LINGO2: variants seen among roughly 807,000 people sequenced by gnomAD.
The protein encoded by LINGO2 is leucine-rich repeat and immunoglobulin-like domain-containing nogo receptor-interacting protein 2.
Under a neutral mutation model 30.6 loss-of-function variants are expected in LINGO2, and 14 were observed. That is an observed-to-expected ratio of 0.46 (90% confidence interval 0.30 to 0.72). LINGO2 has a LOEUF of 0.72. Among genes scored for constraint, LINGO2 ranks in the 30% least tolerant of loss-of-function variants. LINGO2 has a pLI of 0.07. For synonymous variants in LINGO2, 317 were observed against 288.5 expected (o/e 1.10, Z -1.00); for missense variants, 729 against 751.7 (o/e 0.97, Z 0.35).
chr9:29,013,208 A>G, the LINGO2 span, among the ~76,000 whole-genome samples: 1 of 152,180 alleles, frequency 6.6e-6, no homozygotes, highest in Admixed American at 6.6e-5. Flanking sequence ...AGTAAAAAAC[A>G]GGCACTCTGA....
the LINGO2 span, among the ~76,000 whole-genome samples, chr9:28,997,916 T>G: frequency 1.3e-5 from 2 of 152,218 alleles, no homozygotes; most frequent in African/African-American, 2.4e-5. Flanking sequence ...TGCACCATTG[T>G]GTGCTTCACA....
intron 4 of LINGO2, among the ~76,000 whole-genome samples, chr9:28,167,016 C>G (rs1388500862): frequency 6.6e-6 from 1 of 152,020 alleles, no homozygotes. Context: ...TTTAAGCATA[C>G]TAGTTCCTAG....
chr9:28,388,959 A>C (rs1331893), intron 2 of LINGO2, among the ~76,000 whole-genome samples: 122,082 of 151,858 alleles, frequency 0.8, 49,733 homozygotes, highest in Middle Eastern at 0.9. Flanking sequence ...GCAAACCATA[A>C]ATGAGAACCT....
intron 1 of LINGO2, among the ~76,000 whole-genome samples, chr9:28,491,541 T>C (rs150489141): frequency 8.8e-4 from 134 of 152,360 alleles, no homozygotes; most frequent in African/African-American, 3.0e-3. Flanking sequence ...TCGGAGTAAG[T>C]ATTCTTTTTA....
At chr9:28,663,461 G>A (rs1018843701) in intron 1 of LINGO2, among the ~76,000 whole-genome samples, 10 of 152,054 alleles carry the variant, frequency 6.6e-5, no homozygotes, top group Admixed American at 1.3e-4. Context: ...GTGAGCCACC[G>A]CATCCGGCCT....
chr9:29,062,343 C>T, the LINGO2 span, among the ~76,000 whole-genome samples: 1 of 151,942 alleles, frequency 6.6e-6, no homozygotes, highest in Admixed American at 6.6e-5. Flanking sequence ...TGGGTATATA[C>T]CTGAAAGAAT....
intron 1 of LINGO2, among the ~76,000 whole-genome samples, chr9:28,595,762 A>G (rs1379508360): frequency 6.6e-6 from 1 of 152,148 alleles, no homozygotes. Context: ...CTAGGAAAGT[A>G]GGATCACAGC....
intron 1 of LINGO2, among the ~76,000 whole-genome samples, chr9:28,486,814 A>G (rs1418788903): frequency 3.3e-5 from 5 of 152,134 alleles, no homozygotes; most frequent in African/African-American, 1.2e-4. Flanking sequence ...TAAAATAGTG[A>G]TATAAACTCA....
the LINGO2 span, among the ~76,000 whole-genome samples, chr9:29,188,341 T>TCA: frequency 1.3e-5 from 2 of 151,894 alleles, no homozygotes; most frequent in Non-Finnish European, 1.5e-5. Flanking sequence ...GGGGGTAAGG[T>TCA]CACAGATCAA....
chr9:28,300,182 C>A (rs1394773368), intron 3 of LINGO2, among the ~76,000 whole-genome samples: 3 of 148,482 alleles, frequency 2.0e-5, no homozygotes, highest in Non-Finnish European at 3.0e-5. Flanking sequence ...TAGACTATGA[C>A]AAAACCCCTG....
the LINGO2 span, among the ~76,000 whole-genome samples, chr9:28,694,531 T>C: frequency 2.4e-3 from 371 of 152,182 alleles, 2 homozygotes; most frequent in Middle Eastern, 0.014. Flanking sequence ...AATGCTTACT[T>C]ACAACCTCAA....
the LINGO2 span, among the ~76,000 whole-genome samples, chr9:29,201,714 T>C: frequency 6.6e-6 from 1 of 152,166 alleles, no homozygotes; most frequent in Non-Finnish European, 1.5e-5. Flanking sequence ...ATTTTATTAG[T>C]GGCTTTTAAT....
chr9:28,971,628 A>T, the LINGO2 span, among the ~76,000 whole-genome samples: 1 of 152,230 alleles, frequency 6.6e-6, no homozygotes, highest in African/African-American at 2.4e-5. Context: ...GCTGCAATTT[A>T]CAATAGAACA....
At chr9:28,988,436 G>C in the LINGO2 span, among the ~76,000 whole-genome samples, 1 of 152,058 alleles carries the variant, frequency 6.6e-6, no homozygotes, top group Non-Finnish European at 1.5e-5. Context: ...AGTAAGGTGA[G>C]ACTGTATTAG....
At chr9:28,399,360 T>C (rs1456378510) in intron 2 of LINGO2, among the ~76,000 whole-genome samples, 3 of 152,300 alleles carry the variant, frequency 2.0e-5, no homozygotes, top group Non-Finnish European at 4.4e-5. Context: ...GTCATAACAT[T>C]CGTTATGAAA....
upstream of LINGO2, among the ~76,000 whole-genome samples, chr9:28,671,962 A>C (rs924110606): frequency 4.6e-5 from 7 of 152,280 alleles, no homozygotes; most frequent in African/African-American, 1.7e-4. Context: ...AAAAGCTACT[A>C]TCAGAAATTA....
chr9:28,096,805 G>A (rs573676962), intron 4 of LINGO2, among the ~76,000 whole-genome samples: 3 of 152,016 alleles, frequency 2.0e-5, no homozygotes, highest in East Asian at 1.9e-4. Flanking sequence ...ATTTTGTAAT[G>A]TCTTGGCATT....
At chr9:28,247,362 A>G (rs573402534) in intron 4 of LINGO2, among the ~76,000 whole-genome samples, 3 of 152,348 alleles carry the variant, frequency 2.0e-5, no homozygotes, top group South Asian at 2.1e-4. Context: ...ATGTCCATCA[A>G]TGATAGACTG....
At chr9:28,170,842 A>C (rs188904168) in intron 4 of LINGO2, among the ~76,000 whole-genome samples, 22 of 152,352 alleles carry the variant, frequency 1.4e-4, no homozygotes, top group South Asian at 1.2e-3. Flanking sequence ...CCCTGGGAGC[A>C]AACCCAGAAA....
Sources: gnomAD v4.1 joint callset for allele counts (sites outside exome capture counted in the v4.1 genomes callset) on GRCh38, gnomAD v4.1.1 for gene constraint, MANE v1.5 for transcripts, NCBI Gene and HGNC (gene_info 2026-07-23, HGNC 2026-07-21) for gene names.